Variants in HELZ observed in about 807,000 individuals in gnomAD.
HELZ encodes the protein helicase with zinc finger.
Under a neutral mutation model 218.2 loss-of-function variants are expected in HELZ, and 23 were observed. The ratio of observed to expected loss-of-function variants is 0.11; its 90% CI spans 0.08 to 0.15. The LOEUF (loss-of-function observed/expected upper bound fraction) is 0.15. Among genes scored for constraint, HELZ ranks in the 10% least tolerant of loss-of-function variants. HELZ has a pLI of 1.00. For missense variants in HELZ, 1,813 were observed against 2,353.7 expected (o/e 0.77, Z 4.75); for synonymous variants, 814 against 829.4 (o/e 0.98, Z 0.32).
chr17:67,211,491 C>A (rs2040449407), intron 5 of HELZ, among the ~76,000 whole-genome samples: 1 of 151,994 alleles, frequency 6.6e-6, no homozygotes, highest in Non-Finnish European at 1.5e-5. Context: ...GTTGTTCAAC[C>A]AAAGTTTTGA....
chr17:67,197,711 C>T (rs1271147091), intron 7 of HELZ, among the ~76,000 whole-genome samples: 1 of 152,184 alleles, frequency 6.6e-6, no homozygotes, highest in East Asian at 1.9e-4. Context: ...CGTCAGAATG[C>T]TAACGGGTCA....
chr17:67,125,927 A>C (rs1263697150), intron 24 of HELZ, among the ~76,000 whole-genome samples: 2 of 152,146 alleles, frequency 1.3e-5, no homozygotes, highest in African/African-American at 4.8e-5. Flanking sequence ...TGGCTATGAG[A>C]TGTAGGGGAC....
chr17:67,229,985 A>G (rs1391561383), intron 3 of HELZ, among the ~76,000 whole-genome samples: 1 of 152,238 alleles, frequency 6.6e-6, no homozygotes, highest in Non-Finnish European at 1.5e-5. Context: ...TAAATTTTAG[A>G]ATAAGTGGAA....
At chr17:67,096,658 G>C (rs2036758402) in intron 31 of HELZ, among the ~76,000 whole-genome samples, 1 of 152,162 alleles carries the variant, frequency 6.6e-6, no homozygotes, top group Non-Finnish European at 1.5e-5. Context: ...TTCTTCTCCA[G>C]CTTCTTCATC....
rs529192049 is a variant in HELZ, at chr17:67,188,132, G to A, written c.1162+187C>T. ...AGTTCAAGCTTTACCTGGTGGCTCT[G>A]TGAAGAAATCAGGGCACAGTGTGAA... On this transcript the variant is annotated intron_variant, in intron 12 of 32. Transcript: ENST00000358691. This position sits in a 1 kb window ranked among gnomAD's most constrained non-coding sequence, Gnocchi z 4.1. The A allele has an allele frequency of 1.2e-4, 63 of 546,406 alleles. 1 individual carries two copies. In the South Asian group the frequency reaches 1.7e-3, roughly 15 times the overall value. 33.8% of individuals were successfully genotyped at this position (546,406 alleles called of 1,614,324 possible).
At chr17:67,225,607 A>G (rs1197677403) in intron 3 of HELZ, 2 of 152,274 alleles carry the variant, frequency 1.3e-5, no homozygotes, top group Non-Finnish European at 2.9e-5. Flanking sequence ...ACACACACAC[A>G]CCCCTAAGCC....
At chr17:67,239,174 AG>A (rs1237896718) in intron 3 of HELZ, among the ~76,000 whole-genome samples, 1 of 152,234 alleles carries the variant, frequency 6.6e-6, no homozygotes, top group African/African-American at 2.4e-5. Flanking sequence ...GCCCCTATGC[AG>A]TTACTCATCT....
At chr17:67,135,530 G>A (rs975482966) in intron 23 of HELZ, among the ~76,000 whole-genome samples, 24 of 152,088 alleles carry the variant, frequency 1.6e-4, no homozygotes, top group African/African-American at 4.8e-4. Flanking sequence ...AGTCTGCACC[G>A]TCCTCATCAT....
At chr17:67,237,006 C>T (rs1045255541) in intron 3 of HELZ, among the ~76,000 whole-genome samples, 4 of 152,174 alleles carry the variant, frequency 2.6e-5, no homozygotes, top group African/African-American at 7.2e-5. Context: ...CCTATGAACC[C>T]GTGGGAGACA....
Position 67,070,475 on chromosome 17 carries a change from T to C in HELZ, c.*7777A>G, listed in dbSNP as rs1158140727. 1 of 152,188 alleles carries C rather than the reference T, an allele frequency of 6.6e-6. No individual in the cohort carries two copies. Among genetic ancestry groups the C allele is most frequent in the East Asian group, 1.9e-4 (1 of 5,198 alleles). 9.4% of individuals were successfully genotyped at this position (152,188 alleles called of 1,614,324 possible). A position where few individuals can be genotyped will look rare whatever the true frequency, so the allele number is the denominator to read the frequency against. ...AAAAGGCATTTTATTATAAATACATTTTAGTTGTAGCAGTAAAATACATTT... is the reference window on the plus strand; with the variant it reads ...AAAAGGCATTTTATTATAAATACATCTTAGTTGTAGCAGTAAAATACATTT... On this transcript the variant is annotated 3_prime_UTR_variant, in exon 33 of 33. Transcript: ENST00000358691.
At chr17:67,209,120 TAA>T (rs200024507) in intron 5 of HELZ, among the ~76,000 whole-genome samples, 99 of 137,710 alleles carry the variant, frequency 7.2e-4, no homozygotes, top group Non-Finnish European at 7.7e-4. Flanking sequence ...CCTGGGGAAT[TAA>T]AAAAAAAAAA....
intron 3 of HELZ, among the ~76,000 whole-genome samples, chr17:67,232,164 G>T (rs2041056103): frequency 6.8e-6 from 1 of 147,946 alleles, no homozygotes; most frequent in Non-Finnish European, 1.5e-5. Context: ...TTTTTTTCGA[G>T]ATAGAGCCTC....
chr17:67,117,803 G>C (rs530071821), intron 27 of HELZ, among the ~76,000 whole-genome samples: 4 of 151,820 alleles, frequency 2.6e-5, no homozygotes, highest in African/African-American at 9.7e-5. Flanking sequence ...TGCCCACCTT[G>C]GCCTCCCAAA....
chr17:67,125,674 A>G (rs1010032703), intron 24 of HELZ, among the ~76,000 whole-genome samples: 7 of 152,142 alleles, frequency 4.6e-5, no homozygotes, highest in African/African-American at 1.7e-4. Flanking sequence ...TAGCCCCTGC[A>G]AAGAGGCCCA....
chr17:67,172,621 G>T (rs950818310), intron 13 of HELZ, among the ~76,000 whole-genome samples: 26 of 151,744 alleles, frequency 1.7e-4, no homozygotes, highest in African/African-American at 5.8e-4. Flanking sequence ...GTTTTGTTTT[G>T]TTTTTTGAGA....
At chr17:67,245,345 C>A, upstream of HELZ, 1 of 693,134 alleles carries the variant, frequency 1.4e-6, no homozygotes, top group Non-Finnish European at 1.8e-6. Flanking sequence ...CCGCAGCTGG[C>A]CCCTTCCCCT....
intron 13 of HELZ, among the ~76,000 whole-genome samples, chr17:67,172,333 T>G (rs749844118): frequency 3.9e-5 from 6 of 152,218 alleles, no homozygotes; most frequent in Non-Finnish European, 7.3e-5. Flanking sequence ...CCTGTATTTA[T>G]GAGTCTGCCT....
At chr17:67,213,416 G>A (rs979116542) in intron 5 of HELZ, among the ~76,000 whole-genome samples, 1 of 152,130 alleles carries the variant, frequency 6.6e-6, no homozygotes, top group African/African-American at 2.4e-5. Context: ...GAGGTCAAGA[G>A]ATCCAGACCA....
intron 23 of HELZ, among the ~76,000 whole-genome samples, chr17:67,132,409 C>T (rs958595952): frequency 1.1e-4 from 16 of 152,196 alleles, no homozygotes; most frequent in African/African-American, 3.4e-4. Flanking sequence ...CCTGCCATTC[C>T]GTGCAGATTT....
Sources: allele counts gnomAD v4.1 joint callset (sites outside exome capture counted in the v4.1 genomes callset), GRCh38; gene constraint gnomAD v4.1.1; non-coding constraint Gnocchi (gnomAD v3.1); transcripts MANE v1.5; gene names NCBI Gene and HGNC (gene_info 2026-07-23, HGNC 2026-07-21).